Variants in CFAP36 observed in about 807,000 individuals in gnomAD.
The protein encoded by CFAP36 is cilia and flagella associated protein 36.
Under a neutral mutation model 50.5 loss-of-function variants are expected in CFAP36, and 37 were observed. The ratio of observed to expected loss-of-function variants is 0.73; its 90% CI spans 0.56 to 0.96. The LOEUF (loss-of-function observed/expected upper bound fraction) is 0.96, where lower values mean the gene tolerates loss of function less well. CFAP36 is among the 50% of genes least tolerant of loss of function. The pLI, the probability that CFAP36 is intolerant of heterozygous loss-of-function variation, is 0.00. For synonymous variants in CFAP36, 138 were observed against 128.2 expected, an observed-to-expected ratio of 1.08 and a Z score of -0.52; for missense variants, 407 against 396.2, an observed-to-expected ratio of 1.03 and a Z score of -0.23.
chr2:55,519,858 C>T lies in CFAP36; in HGVS notation c.57C>T (p.Phe19=). Residue 19 remains phenylalanine, a synonymous_variant, in exon 1 of 10, where the codon TTC becomes TTT. Transcript: ENST00000349456. ...GGGTAGTGGAGAGCATCGCGGGGTT[C>T]CTGCGAGGCCCAGACTGGTCCATCC... is the stretch of plus-strand genomic sequence containing the variant. The part of the protein sequence containing the change: ...VEWVVESIAG[F]LRGPDWSIPI... The T allele has an allele frequency of 6.2e-7, 1 of 1,614,232 alleles. No homozygotes were observed. The highest frequency in any genetic ancestry group is 8.5e-7 in the Non-Finnish European group (1 of 1,180,040).
chr2:55,525,873 C>G, intron 3 of CFAP36, among the ~76,000 whole-genome samples: 1 of 152,292 alleles, frequency 6.6e-6, no homozygotes, highest in South Asian at 2.1e-4. Flanking sequence ...GCGATCCACC[C>G]GCCTCGGCCT....
At position 55,521,267 on chromosome 2, in the gene CFAP36, G is replaced by C. The variant is rs1476431335; in HGVS notation, c.116-835G>C. ...TGCCCAGGCTGGAGTGCAGTGGCGT[G>C]ATCTTGGCTCACTGCATTGTTTTAT... On this transcript the variant is annotated intron_variant, in intron 1 of 9. Transcript: ENST00000349456. Among the ~76,000 whole-genome samples the C allele has an allele frequency of 3.4e-5, 5 of 145,116 alleles. No homozygotes were observed. The Admixed American group carries it at 3.4e-4, about 10-fold the overall frequency.
chr2:55,533,975 T>C lies in CFAP36; in HGVS notation c.485+15T>C, dbSNP rs201445335. ...GAAGTTCTTAGGTACCATTCTTTAATTGTTTTTTAAATGAATCATTATTAA... is the reference window on the plus strand; with the variant it reads ...GAAGTTCTTAGGTACCATTCTTTAACTGTTTTTTAAATGAATCATTATTAA... On this transcript the variant is annotated intron_variant, in intron 5 of 9. Coordinates refer to ENST00000349456, the MANE Select transcript of CFAP36 (RefSeq NM_080667.7). 1.1e-5 allele frequency: 16 copies of C among 1,502,342 alleles called. No individual in the cohort carries two copies. In the East Asian group the frequency reaches 1.6e-4, roughly 15 times the overall value. 93.1% of individuals were successfully genotyped at this position (1,502,342 alleles called of 1,614,324 possible).
At chr2:55,532,831 G>A (rs1407883737) in intron 4 of CFAP36, among the ~76,000 whole-genome samples, 1 of 152,260 alleles carries the variant, frequency 6.6e-6, no homozygotes, top group African/African-American at 2.4e-5. Flanking sequence ...GTTGTGGAAT[G>A]TAATAATTAC....
chr2:55,530,808 A>G (rs187736440), intron 4 of CFAP36, among the ~76,000 whole-genome samples: 94 of 152,306 alleles, frequency 6.2e-4, no homozygotes, highest in African/African-American at 2.0e-3. Context: ...ACCACGGCCC[A>G]TAACCTCTTT....
chr2:55,539,740 A>T (rs1024617980), intron 7 of CFAP36, among the ~76,000 whole-genome samples: 18 of 152,246 alleles, frequency 1.2e-4, no homozygotes, highest in Non-Finnish European at 2.2e-4. Context: ...TTTCCATAGC[A>T]GTGAATGAGC....
Position 55,539,052 on chromosome 2 carries a change from CT to C in CFAP36, c.640+1468del. 5.1e-6 allele frequency: 3 copies of C among 585,558 alleles called. No homozygotes were observed. The Middle Eastern group carries it at 1.7e-3, about 341-fold the overall frequency. The allele number at this position is 585,558 out of a possible 1,614,324, so 36.3% of individuals were successfully genotyped here. On this transcript the variant is annotated intron_variant, in intron 7 of 9. Transcript: ENST00000349456. ...CCCTGCCCTAGTACATGCCTAGCCTCTCCCATTATCGACCCCCTCAAAAGTA... is the reference window on the plus strand; with the variant it reads ...CCCTGCCCTAGTACATGCCTAGCCTCCCCATTATCGACCCCCTCAAAAGTA...
chr2:55,527,853 G>T (rs1336997794), intron 3 of CFAP36, among the ~76,000 whole-genome samples: 1 of 151,608 alleles, frequency 6.6e-6, no homozygotes, highest in Non-Finnish European at 1.5e-5. Flanking sequence ...CAAAATACTT[G>T]GAGATTAAAC....
At chr2:55,521,294 C>G (rs973348619) in intron 1 of CFAP36, among the ~76,000 whole-genome samples, 11 of 148,316 alleles carry the variant, frequency 7.4e-5, no homozygotes, top group Non-Finnish European at 1.6e-4. Flanking sequence ...TTGTTTTATA[C>G]ATATGATCAT....
intron 3 of CFAP36, among the ~76,000 whole-genome samples, chr2:55,527,424 A>T (rs1684237320): frequency 6.6e-6 from 1 of 152,070 alleles, no homozygotes; most frequent in East Asian, 1.9e-4. Context: ...TCTACTAAAA[A>T]TACAAAAATT....
intron 1 of CFAP36, chr2:55,520,545 A>T (rs554260624): frequency 7.9e-7 from 1 of 1,258,734 alleles, no homozygotes; most frequent in South Asian, 1.5e-5. Flanking sequence ...CTTGGAACAA[A>T]TGAGGCGTAT....
intron 7 of CFAP36, among the ~76,000 whole-genome samples, chr2:55,540,591 A>AT (rs1425012342): frequency 6.6e-6 from 1 of 152,176 alleles, no homozygotes; most frequent in East Asian, 1.9e-4. Flanking sequence ...GCCTCTCCAT[A>AT]TAAATGTTAG....
intron 4 of CFAP36, among the ~76,000 whole-genome samples, chr2:55,529,646 T>TC (rs1171271947): frequency 8.1e-6 from 1 of 123,962 alleles, no homozygotes; most frequent in African/African-American, 2.8e-5. Context: ...AAGCAGTGGT[T>TC]CTTTTTTTTT....
In CFAP36 at chr2:55,522,088, T is replaced by A. The variant is rs750086267; in HGVS notation, c.116-14T>A. 2 of 1,344,152 alleles carry A rather than the reference T, an allele frequency of 1.5e-6. No individual in the cohort carries two copies. The highest frequency in any genetic ancestry group is 2.1e-6 in the Non-Finnish European group (2 of 955,646). 83.3% of individuals were successfully genotyped at this position (1,344,152 alleles called of 1,614,324 possible). On this transcript the variant is annotated splice_polypyrimidine_tract_variant and intron_variant, in intron 1 of 9. Coordinates refer to ENST00000349456, the MANE Select transcript of CFAP36 (RefSeq NM_080667.7). Reference sequence around the variant, plus strand: ...TTGGTTTTTACACTATGTAATATTTTCTTTTAAATTTAGTTTTTGATGATG... The same window carrying A: ...TTGGTTTTTACACTATGTAATATTTACTTTTAAATTTAGTTTTTGATGATG...
chr2:55,537,505 A>G lies in CFAP36; in HGVS notation c.560A>G (p.Glu187Gly). ...AAGTTATCAGAGGCTAAAACAGAAG[A>G]GCCCACAGTGCATTCCAGTGAAGCT... The part of the protein sequence containing the change: ...KKQLSEAKTE[E>G]PTVHSSEAAI... The change falls in exon 7 of 10, where the codon GAG (glutamate) becomes GGG (glycine). Residue 187 changes from glutamate (E) to glycine (G), a missense_variant. Coordinates refer to ENST00000349456, the MANE Select transcript of CFAP36 (RefSeq NM_080667.7). 1.2e-6 allele frequency: 2 copies of G among 1,610,478 alleles called. No homozygotes were observed. The highest frequency in any genetic ancestry group is 1.7e-6 in the Non-Finnish European group (2 of 1,178,870).
At chr2:55,540,137 G>A (rs557273512) in intron 7 of CFAP36, among the ~76,000 whole-genome samples, 2 of 152,216 alleles carry the variant, frequency 1.3e-5, no homozygotes, top group East Asian at 3.9e-4. Flanking sequence ...TTTTAATGAA[G>A]TTCAGCTTAT....
rs1055699639 is a variant in CFAP36, at chr2:55,535,669, A to C, written c.486-43A>C. 2.1e-6 allele frequency: 3 copies of C among 1,441,892 alleles called. No individual in the cohort carries two copies. The African/African-American group carries it at 4.5e-5, about 22-fold the overall frequency. The allele number at this position is 1,441,892 out of a possible 1,614,324, so 89.3% of individuals were successfully genotyped here. A position where few individuals can be genotyped will look rare whatever the true frequency, so the allele number is the denominator to read the frequency against. On this transcript the variant is annotated intron_variant, in intron 5 of 9. Coordinates refer to ENST00000349456, the MANE Select transcript of CFAP36 (RefSeq NM_080667.7). ...TAGTTGAATATTTGTTCTTTGACCAAAAAAGGAAATTTATCTTTTTATCTT... is the reference window on the plus strand; with the variant it reads ...TAGTTGAATATTTGTTCTTTGACCACAAAAGGAAATTTATCTTTTTATCTT...
intron 7 of CFAP36, among the ~76,000 whole-genome samples, chr2:55,543,064 A>AT (rs11419832): frequency 0.84 from 122,798 of 146,974 alleles, 51,125 homozygotes; most frequent in African/African-American, 0.92. Context: ...CTGGCAAGGT[A>AT]TTTTTTTTTT....
chr2:55,542,448 T>C (rs1684660992), intron 7 of CFAP36, among the ~76,000 whole-genome samples: 1 of 152,250 alleles, frequency 6.6e-6, no homozygotes, highest in African/African-American at 2.4e-5. Context: ...CTTTGTCCTT[T>C]TGCCTGTCTT....
Sources: allele counts gnomAD v4.1 joint callset (sites outside exome capture counted in the v4.1 genomes callset), GRCh38; gene constraint gnomAD v4.1.1; transcripts MANE v1.5; gene names NCBI Gene and HGNC (gene_info 2026-07-23, HGNC 2026-07-21).